The following C20orf96 variants were observed in gnomAD, a reference collection of about 807,000 sequenced individuals.
The protein encoded by C20orf96 is chromosome 20 open reading frame 96, also known as uncharacterized protein C20orf96.
Under a neutral mutation model 52.6 loss-of-function variants are expected in C20orf96, and 57 were observed. That is an observed-to-expected ratio of 1.08 (90% confidence interval 0.88 to 1.35). The LOEUF (loss-of-function observed/expected upper bound fraction) is 1.35. C20orf96 is among the 40% of genes most tolerant of loss of function. The probability of loss-of-function intolerance (pLI) is 0.00; values close to 1 mark genes in which losing one functional copy is unlikely to be tolerated. For missense variants in C20orf96, 478 were observed against 443.6 expected (o/e 1.08, Z -0.70); for synonymous variants, 168 against 157.2 (o/e 1.07, Z -0.51).
At chr20:283,331 T>G (rs973988814) in intron 4 of C20orf96, among the ~76,000 whole-genome samples, 2 of 151,346 alleles carry the variant, frequency 1.3e-5, no homozygotes, top group Non-Finnish European at 2.9e-5. Context: ...TGAGATGAAG[T>G]CTCACTCTGT....
chr20:290,638 T>C lies in C20orf96; in HGVS notation c.-28A>G. The C allele has an allele frequency of 1.2e-6, 2 of 1,609,906 alleles. No homozygotes were observed. Among genetic ancestry groups the C allele is most frequent in the Non-Finnish European group, 1.7e-6 (2 of 1,179,232 alleles). Reference sequence around the variant, plus strand: ...GGGAAAATGGAAGAGAAGTTGCGAGTCTGTGAGACCCTGATCTTCTGGTAT... The same window carrying C: ...GGGAAAATGGAAGAGAAGTTGCGAGCCTGTGAGACCCTGATCTTCTGGTAT... On this transcript the variant is annotated 5_prime_UTR_variant, in exon 1 of 11. Transcript: ENST00000360321.
At chr20:286,546 G>C (rs879295571) in intron 3 of C20orf96, among the ~76,000 whole-genome samples, 18 of 149,206 alleles carry the variant, frequency 1.2e-4, no homozygotes, top group Middle Eastern at 3.2e-3. Flanking sequence ...GGAAAGGAAA[G>C]GAGAGGAGAG....
At position 290,563 on chromosome 20, in the gene C20orf96, A is replaced by AAT. The variant is rs1555771833; in HGVS notation, c.20+27_20+28insAT. On this transcript the variant is annotated intron_variant, in intron 1 of 10. Coordinates refer to ENST00000360321, the MANE Select transcript of C20orf96 (RefSeq NM_153269.3). ...GCATGCGTATTCCGCCTTTCTTCCAATTTTTTTTTTTTTTTTTTTTTACCT... is the reference window on the plus strand; with the variant it reads ...GCATGCGTATTCCGCCTTTCTTCCAAATTTTTTTTTTTTTTTTTTTTTTACCT... The AAT allele has an allele frequency of 3.5e-5, 46 of 1,309,600 alleles. No individual in the cohort carries two copies. In the African/African-American group the frequency reaches 8.0e-4, roughly 23 times the overall value. The allele number at this position is 1,309,600 out of a possible 1,614,324, so 81.1% of individuals were successfully genotyped here. A position where few individuals can be genotyped will look rare whatever the true frequency, so the allele number is the denominator to read the frequency against.
chr20:287,477 T>C (rs2012416813), intron 3 of C20orf96, among the ~76,000 whole-genome samples: 1 of 152,256 alleles, frequency 6.6e-6, no homozygotes, highest in Non-Finnish European at 1.5e-5. Context: ...TGGTGAAATG[T>C]CTCTTCATGT....
Position 290,733 on chromosome 20 carries a change from C to G in C20orf96, c.-123G>C, listed in dbSNP as rs2012528752. On this transcript the variant is annotated 5_prime_UTR_variant, in exon 1 of 11. Coordinates refer to ENST00000360321, the MANE Select transcript of C20orf96 (RefSeq NM_153269.3). ...CGGTAACCCAGGCCACTCAGAAGTC[C>G]CGAGACCCGATGCTTTCGCCAGCGT... The G allele has an allele frequency of 5.9e-6, 7 of 1,180,848 alleles. No homozygotes were observed. In the Admixed American group the frequency reaches 1.6e-4, roughly 27 times the overall value. The allele number at this position is 1,180,848 out of a possible 1,614,324, so 73.1% of individuals were successfully genotyped here.
At chr20:281,903 G>C (rs2012264294) in intron 4 of C20orf96, among the ~76,000 whole-genome samples, 2 of 152,144 alleles carry the variant, frequency 1.3e-5, no homozygotes, top group African/African-American at 4.8e-5. Flanking sequence ...GAAGGTCCAG[G>C]CTGCAGTGAG....
intron 3 of C20orf96, 63 bp from the exon 4 acceptor site, chr20:284,144 C>A: frequency 8.1e-7 from 1 of 1,236,094 alleles, no homozygotes; most frequent in Non-Finnish European, 1.2e-6. Context: ...AGGCCAGGTT[C>A]CCGGGAGTGC....
intron 3 of C20orf96, among the ~76,000 whole-genome samples, chr20:286,082 G>A (rs950415334): frequency 7.9e-5 from 12 of 152,174 alleles, no homozygotes; most frequent in Non-Finnish European, 1.8e-4. Context: ...AGATTCTTAA[G>A]TTGAATTTAA....
chr20:281,196 A>G (rs1038191606), intron 4 of C20orf96, among the ~76,000 whole-genome samples: 10 of 152,112 alleles, frequency 6.6e-5, no homozygotes, highest in African/African-American at 2.2e-4. Context: ...ATTTTAAAAA[A>G]TTAAAATGTT....
At chr20:282,359 C>T (rs963599787) in intron 4 of C20orf96, among the ~76,000 whole-genome samples, 1 of 152,196 alleles carries the variant, frequency 6.6e-6, no homozygotes, top group Admixed American at 6.5e-5. Context: ...CCCCTAAGAT[C>T]AGAGGTCACA....
chr20:281,112 T>C (rs1395342749), intron 4 of C20orf96, among the ~76,000 whole-genome samples: 2 of 152,148 alleles, frequency 1.3e-5, no homozygotes, highest in Non-Finnish European at 2.9e-5. Context: ...GTCAAGATTA[T>C]GCCACCACAC....
chr20:280,829 C>A (rs935701168), intron 4 of C20orf96, among the ~76,000 whole-genome samples: 4 of 152,138 alleles, frequency 2.6e-5, no homozygotes, highest in African/African-American at 9.7e-5. Context: ...GGTAAGGAAA[C>A]TAGTATCTGT....
At chr20:285,559 G>T (rs1386085688) in intron 3 of C20orf96, among the ~76,000 whole-genome samples, 1 of 152,160 alleles carries the variant, frequency 6.6e-6, no homozygotes. Flanking sequence ...TTTTAAAAGT[G>T]TAAGTGGGAT....
rs113350880 is a variant in C20orf96 at position 279,134 on chromosome 20, C to T, written c.465+38G>A. On this transcript the variant is annotated intron_variant, in intron 5 of 10. Transcript: ENST00000360321. ...AGGGAGGGAGGGACGGAGGTTGGGA[C>T]GGAGGGACGGAGGGCGGGCGGATGC... 6.9e-6 allele frequency: 7 copies of T among 1,013,902 alleles called. No individual in the cohort carries two copies. The African/African-American group carries it at 3.2e-4, about 46-fold the overall frequency. 62.8% of individuals were successfully genotyped at this position (1,013,902 alleles called of 1,614,324 possible). A position where few individuals can be genotyped will look rare whatever the true frequency, so the allele number is the denominator to read the frequency against.
chr20:280,310 C>T (rs1017593304), intron 4 of C20orf96, among the ~76,000 whole-genome samples: 24 of 147,480 alleles, frequency 1.6e-4, no homozygotes, highest in Admixed American at 1.5e-3. Context: ...AGGTTACACC[C>T]AGCAGGTGCA....
Position 290,312 on chromosome 20 carries a change from A to T in C20orf96, c.21-5T>A. On this transcript the variant is annotated splice_polypyrimidine_tract_variant and splice_region_variant and intron_variant, in intron 1 of 10. Coordinates refer to ENST00000360321, the MANE Select transcript of C20orf96 (RefSeq NM_153269.3). ...TGAGTCCCAGAGTGCTTGGGTCTGG[A>T]AAGAGTTGGGAAGGGAAAGAACTTC... 6.2e-7 allele frequency: 1 copy of T among 1,612,692 alleles called. No homozygotes were observed. Among genetic ancestry groups the T allele is most frequent in the Non-Finnish European group, 8.5e-7 (1 of 1,179,378 alleles).
rs2012505156 is a variant in C20orf96 at position 290,284 on chromosome 20, G to A, written c.44C>T (p.Ser15Phe). ...CGGAACCTGGAACTCCTGGACTATGGAGTGAGTCCCAGAGTGCTTGGGTCT... is the reference window on the plus strand; with the variant it reads ...CGGAACCTGGAACTCCTGGACTATGAAGTGAGTCCCAGAGTGCTTGGGTCT... Reference protein sequence around the residue: ...LQKPKHSGTHSIVQEFQVPDY... With the variant: ...LQKPKHSGTHFIVQEFQVPDY... Residue 15 changes from serine (S) to phenylalanine (F), a missense_variant, in exon 2 of 11, where the codon TCC (serine) becomes TTC (phenylalanine). Coordinates refer to ENST00000360321, the MANE Select transcript of C20orf96 (RefSeq NM_153269.3). The A allele has an allele frequency of 6.2e-7, 1 of 1,612,936 alleles. No homozygotes were observed. The highest frequency in any genetic ancestry group is 8.5e-7 in the Non-Finnish European group (1 of 1,179,480).
intron 9 of C20orf96, 22 bp from the exon 10 acceptor site, chr20:276,108 G>A (rs780128041): frequency 3.1e-6 from 5 of 1,602,838 alleles, no homozygotes; most frequent in Non-Finnish European, 3.4e-6. Context: ...GGCACAGCAG[G>A]GGAGAAGGGA....
chr20:278,490 C>G (rs931169667), intron 5 of C20orf96, 61 bp from the exon 6 acceptor site: 3 of 1,311,184 alleles, frequency 2.3e-6, no homozygotes, highest in African/African-American at 2.9e-5. Context: ...GGCGGCCACC[C>G]AGCACTTCCT....
Sources: gnomAD v4.1 joint callset for allele counts (sites outside exome capture counted in the v4.1 genomes callset) on GRCh38, gnomAD v4.1.1 for gene constraint, MANE v1.5 for transcripts, NCBI Gene and HGNC (gene_info 2026-07-23, HGNC 2026-07-21) for gene names.